The following PLAGL1 variants were observed in gnomAD, a reference collection of about 807,000 sequenced individuals.
The protein encoded by PLAGL1 is PLAG1 like zinc finger 1.
A neutral mutation model predicts 4.6 loss-of-function variants in PLAGL1; 1 was observed. The observed-to-expected ratio is 0.22, with a 90% CI of 0.08 to 1.03. The LOEUF is 1.03. Among genes scored for constraint, PLAGL1 ranks in the 50% least tolerant of loss-of-function variants. The pLI is 0.58. For missense variants in PLAGL1, 464 were observed against 570.4 expected (o/e 0.81, Z 1.90); for synonymous variants, 240 against 237.8 (o/e 1.01, Z -0.08).
At chr6:144,054,896 T>TA (rs1798856911) in intron 1 of PLAGL1, among the ~76,000 whole-genome samples, 2 of 151,944 alleles carry the variant, frequency 1.3e-5, no homozygotes. Flanking sequence ...TCCTAAACTT[T>TA]AAATTTGTAA....
chr6:144,062,777 C>T (rs1185185785), intron 1 of PLAGL1, among the ~76,000 whole-genome samples: 2 of 152,128 alleles, frequency 1.3e-5, no homozygotes, highest in Admixed American at 6.5e-5. Flanking sequence ...CAAGAATGCC[C>T]GGTACATGAA....
At chr6:144,008,404 C>G (rs1384958977), upstream of PLAGL1, 5 of 151,774 alleles carry the variant, frequency 3.3e-5, no homozygotes, top group Admixed American at 3.3e-4. The surrounding 1 kb of genome is among the most constrained non-coding windows in gnomAD (Gnocchi z 6.9). Context: ...AGGCGGGGCT[C>G]GGGAGCCGGA....
In PLAGL1 at chr6:143,960,786, A is replaced by AT. The variant is rs1438832999; in HGVS notation, c.-398-245_-398-244insA. 6.6e-6 allele frequency: 1 copy of AT among 152,244 alleles called. No individual in the cohort carries two copies. The highest frequency in any genetic ancestry group is 1.9e-4 in the East Asian group (1 of 5,202). The allele number at this position is 152,244 out of a possible 1,614,324, so 9.4% of individuals were successfully genotyped here. ...CCTGCTTTATGCAAGTGGAAAAAAA[A>AT]GAACACACAAAATTGCTTACATAAT... On this transcript the variant is annotated intron_variant, in intron 5 of 7. Transcript: ENST00000674357. The surrounding 1 kb of genome is among the most constrained non-coding windows in gnomAD (Gnocchi z 5.7).
Position 144,006,841 on chromosome 6 carries a change from A to C in PLAGL1, c.-584+1249T>G, listed in dbSNP as rs1303595568. 4 of 152,208 alleles carry C rather than the reference A, an allele frequency of 2.6e-5. No individual in the cohort carries two copies. In the East Asian group the frequency reaches 7.7e-4, roughly 29 times the overall value. 9.4% of individuals were successfully genotyped at this position (152,208 alleles called of 1,614,324 possible). A position where few individuals can be genotyped will look rare whatever the true frequency, so the allele number is the denominator to read the frequency against. On this transcript the variant is annotated intron_variant, in intron 1 of 7. Transcript: ENST00000674357. The surrounding 1 kb of genome is among the most constrained non-coding windows in gnomAD (Gnocchi z 4.3). ...CTCATACTAAGGAATGACGTTTTAC[A>C]TCATGACACACATTTGTGTATGTAT... is the stretch of plus-strand genomic sequence containing the variant.
intron 1 of PLAGL1, among the ~76,000 whole-genome samples, chr6:144,025,115 C>T (rs1016601763): frequency 3.9e-5 from 6 of 152,160 alleles, no homozygotes; most frequent in Non-Finnish European, 8.8e-5. Context: ...TCAAGGTCAA[C>T]GTCAACAGCG....
In PLAGL1 at chr6:143,978,659, A is replaced by G. The variant is rs1472936668; in HGVS notation, c.-544+6476T>C. Among the ~76,000 whole-genome samples, 4 of 152,188 alleles carry G rather than the reference A, an allele frequency of 2.6e-5. No individual in the cohort carries two copies. Among genetic ancestry groups the G allele is most frequent in the South Asian group, 2.1e-4 (1 of 4,832 alleles). ...CCAGATTCCTTTCTAATTTAATTCC[A>G]TTATGGTCAGTGAACACTCTTTGTA... On this transcript the variant is annotated intron_variant, in intron 2 of 7. Transcript: ENST00000674357. The surrounding 1 kb of genome is among the most constrained non-coding windows in gnomAD (Gnocchi z 4.6).
intron 1 of PLAGL1, among the ~76,000 whole-genome samples, chr6:144,052,956 G>T (rs1284620368): frequency 6.6e-6 from 1 of 152,098 alleles, no homozygotes; most frequent in Non-Finnish European, 1.5e-5. Context: ...TTGGTATCAT[G>T]AACTGAGAAG....
chr6:144,010,797 A>G (rs1386208327), upstream of PLAGL1, among the ~76,000 whole-genome samples: 1 of 152,160 alleles, frequency 6.6e-6, no homozygotes, highest in African/African-American at 2.4e-5. The surrounding 1 kb of genome is among the most constrained non-coding windows in gnomAD (Gnocchi z 4.1). Flanking sequence ...CAGAAATAAC[A>G]CCACACATCT....
In PLAGL1 at chr6:144,053,155, G is replaced by C. The variant is rs537622422; in HGVS notation, c.-151+11313C>G. Among the ~76,000 whole-genome samples the C allele has an allele frequency of 6.6e-6, 1 of 151,772 alleles. No individual in the cohort carries two copies. Among genetic ancestry groups the C allele is most frequent in the African/African-American group, 2.4e-5 (1 of 41,304 alleles). ...AATCAATCAATCAATCATTTTTTTT[G>C]AAATGGTCTCACTCTGTCGCCCAGG... On this transcript the variant is annotated intron_variant, in intron 1 of 3. Coordinates refer to the PLAGL1 transcript ENST00000437412. The surrounding 1 kb of genome is among the most constrained non-coding windows in gnomAD (Gnocchi z 4.0).
At chr6:144,045,078 T>A (rs1798040388) in intron 1 of PLAGL1, among the ~76,000 whole-genome samples, 1 of 150,384 alleles carries the variant, frequency 6.6e-6, no homozygotes, top group African/African-American at 2.5e-5. Flanking sequence ...TATGTGTGTC[T>A]CTGCATGTGA....
chr6:144,043,733 A>C (rs1194697792), intron 1 of PLAGL1, among the ~76,000 whole-genome samples: 1 of 151,792 alleles, frequency 6.6e-6, no homozygotes, highest in Non-Finnish European at 1.5e-5. Flanking sequence ...TATTGATTGG[A>C]ATTGTTTCAG....
In PLAGL1 at chr6:143,957,396, C is replaced by T. The variant is rs1336626324; in HGVS notation, c.-325+3073G>A. On this transcript the variant is annotated intron_variant, in intron 6 of 7. Transcript: ENST00000674357. The surrounding 1 kb of genome is among the most constrained non-coding windows in gnomAD (Gnocchi z 4.2). ...AATTGTTACAGTCAGGAATGGGGAT[C>T]ATTCCTTTATGATAGCTGAAAATAC... Among the ~76,000 whole-genome samples, 1 of 152,158 alleles carries T rather than the reference C, an allele frequency of 6.6e-6. No individual in the cohort carries two copies. Among genetic ancestry groups the T allele is most frequent in the Non-Finnish European group, 1.5e-5 (1 of 68,016 alleles).
chr6:144,058,323 A>T (rs56081266), intron 1 of PLAGL1, among the ~76,000 whole-genome samples: 26,806 of 152,134 alleles, frequency 0.18, 2,697 homozygotes, highest in Middle Eastern at 0.27. Flanking sequence ...GGCACTAAGC[A>T]TTCCTGAGGG....
rs1268718443 is a variant in PLAGL1, at chr6:144,006,304, T to C, written c.-584+1786A>G. 6.6e-6 allele frequency: 1 copy of C among 152,072 alleles called. No individual in the cohort carries two copies. Among genetic ancestry groups the C allele is most frequent in the Non-Finnish European group, 1.5e-5 (1 of 68,028 alleles). The allele number at this position is 152,072 out of a possible 1,614,324, so 9.4% of individuals were successfully genotyped here. A position where few individuals can be genotyped will look rare whatever the true frequency, so the allele number is the denominator to read the frequency against. On this transcript the variant is annotated intron_variant, in intron 1 of 7. Coordinates refer to ENST00000674357, the MANE Select transcript of PLAGL1 (RefSeq NM_001317162.2). The surrounding 1 kb of genome is among the most constrained non-coding windows in gnomAD (Gnocchi z 4.3). ...TTGCAACACCCATATTTTAACATAT[T>C]TGGGGGGAAATGTAACATTCAAACC...
Position 143,982,238 on chromosome 6 carries a change from G to A in PLAGL1, c.-544+2897C>T, listed in dbSNP as rs1227296595. On this transcript the variant is annotated intron_variant, in intron 2 of 7. Coordinates refer to ENST00000674357, the MANE Select transcript of PLAGL1 (RefSeq NM_001317162.2). The surrounding 1 kb of genome is among the most constrained non-coding windows in gnomAD (Gnocchi z 5.3). Reference sequence around the variant, plus strand: ...AAACAGTGTCAATTTAAAACAGGCTGGTCAGGGAAAAAGGCATGGGTGAGA... The same window carrying A: ...AAACAGTGTCAATTTAAAACAGGCTAGTCAGGGAAAAAGGCATGGGTGAGA... Among the ~76,000 whole-genome samples, 1 of 152,084 alleles carries A rather than the reference G, an allele frequency of 6.6e-6. No homozygotes were observed. The highest frequency in any genetic ancestry group is 2.4e-5 in the African/African-American group (1 of 41,384).
Position 144,061,684 on chromosome 6 carries a change from A to G in PLAGL1, c.-151+2784T>C, listed in dbSNP as rs1583932579. Among the ~76,000 whole-genome samples the G allele has an allele frequency of 6.6e-6, 1 of 152,324 alleles. No individual in the cohort carries two copies. The highest frequency in any genetic ancestry group is 2.1e-4 in the South Asian group (1 of 4,828). ...GTTTTATTAAAATGTATATGAAAAA[A>G]TAAGTCCCTGAGGAAGAAGTTGGCA... On this transcript the variant is annotated intron_variant, in intron 1 of 3. Transcript: ENST00000437412. This position sits in a 1 kb window ranked among gnomAD's most constrained non-coding sequence, Gnocchi z 4.4.
intron 1 of PLAGL1, among the ~76,000 whole-genome samples, chr6:143,999,045 G>T (rs1053920421): frequency 6.6e-5 from 10 of 152,174 alleles, no homozygotes; most frequent in Admixed American, 6.5e-4. Flanking sequence ...CACATGATAG[G>T]AAGGGAAGAA....
Position 143,973,300 on chromosome 6 carries a change from A to C in PLAGL1, c.-543-4322T>G, listed in dbSNP as rs1431900547. Reference sequence around the variant, plus strand: ...TTAGGCCCAGCCCAGACAAACAGCGACAGGTTTCCTTGAGACAAGGAGAGG... The same window carrying C: ...TTAGGCCCAGCCCAGACAAACAGCGCCAGGTTTCCTTGAGACAAGGAGAGG... On this transcript the variant is annotated intron_variant, in intron 2 of 7. Coordinates refer to ENST00000674357, the MANE Select transcript of PLAGL1 (RefSeq NM_001317162.2). This position sits in a 1 kb window ranked among gnomAD's most constrained non-coding sequence, Gnocchi z 6.2. Among the ~76,000 whole-genome samples, 1 of 152,216 alleles carries C rather than the reference A, an allele frequency of 6.6e-6. No homozygotes were observed. Among genetic ancestry groups the C allele is most frequent in the African/African-American group, 2.4e-5 (1 of 41,468 alleles).
In PLAGL1 at chr6:144,036,799, A is replaced by G. The variant is rs185107811; in HGVS notation, c.-151+27669T>C. 2.9e-5 allele frequency: 10 copies of G among 340,446 alleles called. No homozygotes were observed. In the East Asian group the frequency reaches 8.6e-4, roughly 29 times the overall value. 21.1% of individuals were successfully genotyped at this position (340,446 alleles called of 1,614,324 possible). On this transcript the variant is annotated intron_variant, in intron 1 of 3. Coordinates refer to the PLAGL1 transcript ENST00000437412. This position sits in a 1 kb window ranked among gnomAD's most constrained non-coding sequence, Gnocchi z 5.1. ...AAGAAGGCAGACCTGCTAAATGCCC[A>G]TTATGACACTATTTGACTAAACAGG...
Sources: gnomAD v4.1 joint callset for allele counts (sites outside exome capture counted in the v4.1 genomes callset) on GRCh38, gnomAD v4.1.1 for gene constraint, Gnocchi (gnomAD v3.1) non-coding constraint, MANE v1.5 for transcripts, NCBI Gene and HGNC (gene_info 2026-07-23, HGNC 2026-07-21) for gene names.